SLAIN2: variants seen among roughly 807,000 people sequenced by gnomAD.
SLAIN2 encodes SLAIN motif-containing protein 2.
Under a neutral mutation model 56.6 loss-of-function variants are expected in SLAIN2, and 31 were observed. The observed-to-expected ratio is 0.55, with a 90% CI of 0.41 to 0.74. The LOEUF is 0.74. Ranked by LOEUF, SLAIN2 falls within the 30% of genes least tolerant of loss-of-function variation. The probability of loss-of-function intolerance (pLI) is 0.00; values close to 1 mark genes in which losing one functional copy is unlikely to be tolerated. For missense variants in SLAIN2, 777 were observed against 754.2 expected (o/e 1.03, Z -0.35); for synonymous variants, 317 against 284.9 (o/e 1.11, Z -1.13).
chr4:48,396,343 TTC>T (rs1332329595), intron 6 of SLAIN2, among the ~76,000 whole-genome samples: 2 of 152,202 alleles, frequency 1.3e-5, no homozygotes, highest in East Asian at 3.9e-4. Context: ...TGATCCAGAC[TTC>T]TATATTTTCT....
intron 1 of SLAIN2, among the ~76,000 whole-genome samples, chr4:48,342,705 GTGC>G (rs1309503949): frequency 2.4e-5 from 3 of 126,734 alleles, no homozygotes; most frequent in African/African-American, 8.9e-5. Flanking sequence ...GCAGAGGATG[GTGC>G]TGCTTTTTTT....
At position 48,426,089 on chromosome 4, in the gene SLAIN2, A is replaced by G. The variant is rs1717291221; in HGVS notation, c.*4012A>G. ...TTGTCTGCAATCCCATAATCCGGAA[A>G]TATTGAAGTACTGTCCGTAACATGG... On this transcript the variant is annotated 3_prime_UTR_variant, in exon 8 of 8. Coordinates refer to ENST00000264313, the MANE Select transcript of SLAIN2 (RefSeq NM_020846.2). 1 of 152,154 alleles carries G rather than the reference A, an allele frequency of 6.6e-6. No individual in the cohort carries two copies. The highest frequency in any genetic ancestry group is 6.5e-5 in the Admixed American group (1 of 15,276). 9.4% of individuals were successfully genotyped at this position (152,154 alleles called of 1,614,324 possible).
rs557218860 is a variant in SLAIN2, at chr4:48,390,091, T to C, written c.1360+6307T>C. On this transcript the variant is annotated intron_variant, in intron 6 of 7. Transcript: ENST00000264313. ...TTTTCTTTTTTTCTTTTTCTTTTTT[T>C]TTTTTTTCCTGAGACTCTGTCTCCC... Among the ~76,000 whole-genome samples, 1,162 of 150,544 alleles carry C rather than the reference T, an allele frequency of 7.7e-3. 11 individuals are homozygous for C. The highest frequency in any genetic ancestry group is 0.013 in the Non-Finnish European group (906 of 67,542).
rs535489598 is a variant in SLAIN2, at chr4:48,425,940, A to G, written c.*3863A>G. The G allele has an allele frequency of 6.6e-6, 1 of 152,230 alleles. No homozygotes were observed. The highest frequency in any genetic ancestry group is 2.4e-5 in the African/African-American group (1 of 41,468). The allele number at this position is 152,230 out of a possible 1,614,324, so 9.4% of individuals were successfully genotyped here. ...TGAAACAAATTATCTACATTAAGTCATCTTAATGTTTTCTCTTTAAAAGAA... is the reference window on the plus strand; with the variant it reads ...TGAAACAAATTATCTACATTAAGTCGTCTTAATGTTTTCTCTTTAAAAGAA... On this transcript the variant is annotated 3_prime_UTR_variant, in exon 8 of 8. Coordinates refer to ENST00000264313, the MANE Select transcript of SLAIN2 (RefSeq NM_020846.2).
chr4:48,414,452 T>A (rs1234252048), intron 6 of SLAIN2, among the ~76,000 whole-genome samples: 1 of 152,198 alleles, frequency 6.6e-6, no homozygotes, highest in Admixed American at 6.5e-5. Context: ...TTTACACATT[T>A]ATTACTCGTT....
intron 1 of SLAIN2, among the ~76,000 whole-genome samples, chr4:48,364,095 C>A (rs1433245404): frequency 1.4e-5 from 1 of 70,850 alleles, no homozygotes; most frequent in Non-Finnish European, 3.1e-5. Context: ...AGCTGCCGGG[C>A]GGAGGGGCTC....
chr4:48,420,017 T>C, intron 6 of SLAIN2, 108 bp from the exon 7 acceptor site: 1 of 1,106,076 alleles, frequency 9.0e-7, no homozygotes, highest in South Asian at 1.6e-5. Flanking sequence ...CTGTGAAGTT[T>C]CCTGAATACA....
chr4:48,374,118 T>TA, intron 2 of SLAIN2, among the ~76,000 whole-genome samples: 1 of 152,124 alleles, frequency 6.6e-6, no homozygotes, highest in East Asian at 1.9e-4. Flanking sequence ...AAGCATGACA[T>TA]ATACGAAGAA....
chr4:48,401,629 G>A (rs1408446776), intron 6 of SLAIN2, among the ~76,000 whole-genome samples: 1 of 152,016 alleles, frequency 6.6e-6, no homozygotes, highest in East Asian at 1.9e-4. Context: ...CATTTGCTTG[G>A]CAAATTTTCA....
chr4:48,369,765 A>G, intron 1 of SLAIN2, 84 bp from the exon 2 acceptor site: 1 of 1,304,856 alleles, frequency 7.7e-7, no homozygotes, highest in Non-Finnish European at 1.1e-6. Context: ...CTTCTCCCCT[A>G]TTTAAATCGA....
At chr4:48,394,645 C>G (rs1716331359) in intron 6 of SLAIN2, 1 of 1,535,576 alleles carries the variant, frequency 6.5e-7, no homozygotes, top group Non-Finnish European at 8.7e-7. Context: ...ACTTCATCTA[C>G]AAAAAGAGGT....
chr4:48,370,553 A>G (rs911343250), intron 2 of SLAIN2, among the ~76,000 whole-genome samples: 3 of 152,232 alleles, frequency 2.0e-5, no homozygotes, highest in African/African-American at 4.8e-5. Context: ...GAGTAAATGT[A>G]TTCATTTCCC....
At chr4:48,380,500 A>G (rs764657508) in intron 4 of SLAIN2, among the ~76,000 whole-genome samples, 8 of 152,288 alleles carry the variant, frequency 5.3e-5, no homozygotes, top group Admixed American at 1.3e-4. Flanking sequence ...GGTGCTTTGC[A>G]GAGTGAATGA....
intron 6 of SLAIN2, among the ~76,000 whole-genome samples, chr4:48,394,014 A>G (rs566609766): frequency 6.6e-6 from 1 of 152,326 alleles, no homozygotes; most frequent in African/African-American, 2.4e-5. Context: ...TTAGATATCC[A>G]AAGTCTGAGG....
chr4:48,412,092 A>AT (rs1716871909), intron 6 of SLAIN2, among the ~76,000 whole-genome samples: 1 of 151,918 alleles, frequency 6.6e-6, no homozygotes, highest in Non-Finnish European at 1.5e-5. Flanking sequence ...TGACATTGAC[A>AT]TTTTTTCCGC....
intron 1 of SLAIN2, among the ~76,000 whole-genome samples, chr4:48,347,474 C>G (rs1229879314): frequency 6.6e-6 from 1 of 152,084 alleles, no homozygotes; most frequent in African/African-American, 2.4e-5. Flanking sequence ...GTCTCGAACT[C>G]CTGGGCTCAA....
chr4:48,383,875 A>T (rs1358006546), intron 6 of SLAIN2, 91 bp downstream of exon 6: 2 of 1,411,282 alleles, frequency 1.4e-6, no homozygotes, highest in Non-Finnish European at 1.9e-6. Context: ...ACCGTTTTTT[A>T]TGCTGAAAAA....
chr4:48,362,920 G>A (rs1477517871), intron 1 of SLAIN2, among the ~76,000 whole-genome samples: 1 of 87,772 alleles, frequency 1.1e-5, no homozygotes, highest in African/African-American at 4.6e-5. Context: ...CTTCCGCAGT[G>A]TTTGTGTCCC....
At chr4:48,393,805 T>C (rs1480357540) in intron 6 of SLAIN2, among the ~76,000 whole-genome samples, 1 of 152,142 alleles carries the variant, frequency 6.6e-6, no homozygotes, top group Non-Finnish European at 1.5e-5. Context: ...GGAACCACTT[T>C]TATCTTGGAT....
Sources: allele counts gnomAD v4.1 joint callset (sites outside exome capture counted in the v4.1 genomes callset), GRCh38; gene constraint gnomAD v4.1.1; transcripts MANE v1.5; gene names NCBI Gene and HGNC (gene_info 2026-07-23, HGNC 2026-07-21).